Variants in MFF observed in about 807,000 individuals in gnomAD.
The protein encoded by MFF is chromosome 2 open reading frame 33.
A neutral mutation model predicts 36.9 loss-of-function variants in MFF; 12 were observed. The observed-to-expected ratio is 0.33, with a 90% CI of 0.21 to 0.53. MFF has a LOEUF of 0.53. Among genes scored for constraint, MFF ranks in the 20% least tolerant of loss-of-function variants. The pLI, the probability that MFF is intolerant of heterozygous loss-of-function variation, is 0.95. For missense variants in MFF, 348 were observed against 366.6 expected, an observed-to-expected ratio of 0.95 and a Z score of 0.42; for synonymous variants, 99 against 126.2, an observed-to-expected ratio of 0.78 and a Z score of 1.44.
intron 4 of MFF, among the ~76,000 whole-genome samples, chr2:227,339,178 G>T (rs2075241793): frequency 6.6e-6 from 1 of 151,132 alleles, no homozygotes; most frequent in South Asian, 2.1e-4. Flanking sequence ...CTCCAGCCTG[G>T]ATGACAGAGC....
chr2:227,329,722 T>A, intron 2 of MFF: 1 of 1,489,336 alleles, frequency 6.7e-7, no homozygotes, highest in South Asian at 1.1e-5. Context: ...ATAGCTATTA[T>A]AGACCTGTAT....
rs1461043774 is a variant in MFF, at chr2:227,353,170, C to A, written c.659+597C>A. 3.9e-5 allele frequency among the ~76,000 whole-genome samples: 6 copies of A among 152,130 alleles called. No individual in the cohort carries two copies. In the East Asian group the frequency reaches 1.2e-3, roughly 29 times the overall value. On this transcript the variant is annotated intron_variant, in intron 7 of 8. Coordinates refer to ENST00000304593, the MANE Select transcript of MFF (RefSeq NM_001277062.2). The stretch of plus-strand genomic sequence containing the variant: ...TTCAGACACGCGTAGGTTGAGCGTT[C>A]CTTTCTTCCTGACACGCACAGAGGC...
intron 6 of MFF, among the ~76,000 whole-genome samples, chr2:227,348,819 C>A (rs1179717620): frequency 1.3e-5 from 2 of 152,152 alleles, no homozygotes; most frequent in African/African-American, 4.8e-5. Context: ...ATCTTCTCCC[C>A]TCCCCCACCT....
intron 7 of MFF, chr2:227,355,404 T>C: frequency 4.2e-6 from 1 of 235,412 alleles, no homozygotes; most frequent in Non-Finnish European, 8.3e-6. Flanking sequence ...TCCTTCTGGC[T>C]TGAGAATTTT....
At chr2:227,341,658 G>C (rs1232236122) in intron 5 of MFF, among the ~76,000 whole-genome samples, 1 of 151,942 alleles carries the variant, frequency 6.6e-6, no homozygotes, top group South Asian at 2.1e-4. Flanking sequence ...TTACACAAAC[G>C]GTAAAGAGGC....
rs564705546 is a variant in MFF, at chr2:227,325,890, G to A, written c.-153+463G>A. On this transcript the variant is annotated intron_variant, in intron 1 of 8. Coordinates refer to ENST00000304593, the MANE Select transcript of MFF (RefSeq NM_001277062.2). The stretch of plus-strand genomic sequence containing the variant: ...AAGGAGGTTTTTGTGTTGTTTTGTG[G>A]CAAGTACATTTTGGAAAAGAAGGGC... 2.0e-5 allele frequency among the ~76,000 whole-genome samples: 3 copies of A among 152,230 alleles called. No individual in the cohort carries two copies. In the East Asian group the frequency reaches 5.8e-4, roughly 30 times the overall value.
chr2:227,325,964 T>C (rs1163332277), intron 1 of MFF, among the ~76,000 whole-genome samples: 5 of 152,174 alleles, frequency 3.3e-5, no homozygotes, highest in African/African-American at 1.2e-4. Flanking sequence ...CGGGCCACCC[T>C]GTCCGTCTGT....
intron 6 of MFF, among the ~76,000 whole-genome samples, chr2:227,348,944 C>G (rs913416898): frequency 6.6e-6 from 1 of 152,024 alleles, no homozygotes; most frequent in African/African-American, 2.4e-5. Context: ...TTTACAAGGG[C>G]CTGTTTTCTC....
intron 1 of MFF, among the ~76,000 whole-genome samples, chr2:227,327,906 G>A (rs2106332106): frequency 6.6e-6 from 1 of 152,298 alleles, no homozygotes; most frequent in East Asian, 1.9e-4. Flanking sequence ...TATTAGAAGA[G>A]CATCTCATCT....
intron 6 of MFF, among the ~76,000 whole-genome samples, chr2:227,348,938 C>T (rs1392263264): frequency 6.6e-6 from 1 of 152,040 alleles, no homozygotes; most frequent in Non-Finnish European, 1.5e-5. Flanking sequence ...CTAATATTTA[C>T]AAGGGCCTGT....
intron 7 of MFF, among the ~76,000 whole-genome samples, chr2:227,353,167 G>A (rs750083213): frequency 1.2e-4 from 18 of 152,148 alleles, no homozygotes; most frequent in Non-Finnish European, 7.4e-5. Flanking sequence ...TAGGTTGAGC[G>A]TTCCTTTCTT....
At chr2:227,350,842 C>G (rs1574986067) in intron 6 of MFF, among the ~76,000 whole-genome samples, 1 of 152,146 alleles carries the variant, frequency 6.6e-6, no homozygotes, top group Non-Finnish European at 1.5e-5. Flanking sequence ...TGTATTAAAT[C>G]ATACTTATCG....
At chr2:227,340,950 G>A (rs2075356595) in intron 5 of MFF, among the ~76,000 whole-genome samples, 1 of 151,786 alleles carries the variant, frequency 6.6e-6, no homozygotes, top group African/African-American at 2.4e-5. Flanking sequence ...ATTTTAATCA[G>A]AAAGTCATTG....
chr2:227,341,470 G>A (rs187424606), intron 5 of MFF, among the ~76,000 whole-genome samples: 1 of 152,166 alleles, frequency 6.6e-6, no homozygotes, highest in East Asian at 1.9e-4. Context: ...ATTCTGAAAG[G>A]CTGTGTAGGA....
At position 227,357,219 on chromosome 2, in the gene MFF, C is replaced by T; in HGVS notation, c.*102C>T. On this transcript the variant is annotated 3_prime_UTR_variant, in exon 9 of 9. Coordinates refer to ENST00000304593, the MANE Select transcript of MFF (RefSeq NM_001277062.2). The stretch of plus-strand genomic sequence containing the variant: ...TCTGCATTGTATGCCATTTTATAGT[C>T]CACACCCTGAAAATGTATTTCTTCC... The T allele has an allele frequency of 8.1e-7, 1 of 1,240,820 alleles. No homozygotes were observed. Among genetic ancestry groups the T allele is most frequent in the Non-Finnish European group, 1.1e-6 (1 of 889,034 alleles). 76.9% of individuals were successfully genotyped at this position (1,240,820 alleles called of 1,614,324 possible). A position where few individuals can be genotyped will look rare whatever the true frequency, so the allele number is the denominator to read the frequency against.
intron 2 of MFF, 39 bp from the exon 3 acceptor site, chr2:227,330,587 T>G: frequency 7.7e-7 from 1 of 1,301,788 alleles, no homozygotes; most frequent in Non-Finnish European, 1.0e-6. Context: ...AGACTGACAT[T>G]TTAACAGTCA....
chr2:227,337,466 G>A (rs1162799242), intron 4 of MFF, among the ~76,000 whole-genome samples: 2 of 152,198 alleles, frequency 1.3e-5, no homozygotes, highest in Non-Finnish European at 2.9e-5. Context: ...AAGAAGAGGT[G>A]GGCTTTGAAC....
At chr2:227,342,084 CT>C (rs935241234) in intron 5 of MFF, among the ~76,000 whole-genome samples, 41 of 150,884 alleles carry the variant, frequency 2.7e-4, no homozygotes, top group South Asian at 4.2e-4. Context: ...ACTTGATTTT[CT>C]TTTTTTTTCT....
intron 5 of MFF, among the ~76,000 whole-genome samples, chr2:227,341,070 G>T (rs2075364208): frequency 6.6e-6 from 1 of 152,120 alleles, no homozygotes; most frequent in African/African-American, 2.4e-5. Flanking sequence ...GTAAGCGTCT[G>T]TGGAAACTGA....
Sources: gnomAD v4.1 joint callset for allele counts (sites outside exome capture counted in the v4.1 genomes callset) on GRCh38, gnomAD v4.1.1 for gene constraint, MANE v1.5 for transcripts, NCBI Gene and HGNC (gene_info 2026-07-23, HGNC 2026-07-21) for gene names.